The following PLXNC1 variants were observed in gnomAD, a reference collection of about 807,000 sequenced individuals.
The protein encoded by PLXNC1 is plexin C1.
A neutral mutation model predicts 178.2 loss-of-function variants in PLXNC1; 75 were observed. That is an observed-to-expected ratio of 0.42 (90% CI 0.35 to 0.51). The LOEUF (loss-of-function observed/expected upper bound fraction) is 0.51. Ranked by LOEUF, PLXNC1 falls within the 20% of genes least tolerant of loss-of-function variation. The pLI, the probability that PLXNC1 is intolerant of heterozygous loss-of-function variation, is 0.02. For missense variants in PLXNC1, 1,503 were observed against 1,984.4 expected, an observed-to-expected ratio of 0.76 and a Z score of 4.61; for synonymous variants, 790 against 779.9, an observed-to-expected ratio of 1.01 and a Z score of -0.22.
chr12:94,220,004 T>C lies in PLXNC1; in HGVS notation c.1555-12T>C, dbSNP rs746312764. ...AAAATCATCATTTTTTCCCCATATC[T>C]TCCCCGCACAGACTACAGTGACTAT... On this transcript the variant is annotated splice_polypyrimidine_tract_variant and intron_variant, in intron 5 of 30. Coordinates refer to ENST00000258526, the MANE Select transcript of PLXNC1 (RefSeq NM_005761.3). The C allele has an allele frequency of 3.7e-6, 6 of 1,609,656 alleles. No individual in the cohort carries two copies. Among genetic ancestry groups the C allele is most frequent in the Non-Finnish European group, 5.1e-6 (6 of 1,177,206 alleles).
At chr12:94,279,293 C>T (rs1380099250) in intron 21 of PLXNC1, among the ~76,000 whole-genome samples, 179 bp from the exon 22 acceptor site, 1 of 152,130 alleles carries the variant, frequency 6.6e-6, no homozygotes, top group African/African-American at 2.4e-5. Flanking sequence ...TTTTCCCTTC[C>T]ATTATCCCTG....
At chr12:94,297,126 C>T (rs375135904) in intron 24 of PLXNC1, 63 bp from the exon 25 acceptor site, 201 of 1,544,962 alleles carry the variant, frequency 1.3e-4, no homozygotes, top group Non-Finnish European at 1.7e-4. Flanking sequence ...AAGAGAAGGC[C>T]GATTAGCCCA....
chr12:94,291,319 T>C (rs1967298666), intron 23 of PLXNC1, among the ~76,000 whole-genome samples: 1 of 152,224 alleles, frequency 6.6e-6, no homozygotes. Flanking sequence ...CACTGCACCC[T>C]TGACCTCCCA....
chr12:94,228,983 G>A (rs115604445), intron 9 of PLXNC1, among the ~76,000 whole-genome samples: 271 of 152,224 alleles, frequency 1.8e-3, no homozygotes, highest in African/African-American at 5.9e-3. Flanking sequence ...CCATTGTACC[G>A]TTTTCCATAG....
intron 15 of PLXNC1, 119 bp from the exon 16 acceptor site, chr12:94,254,668 T>C (rs1390690343): frequency 1.4e-6 from 1 of 713,646 alleles, no homozygotes; most frequent in Non-Finnish European, 2.5e-6. Context: ...GCTCCTGCTC[T>C]CTGTCCCTAT....
chr12:94,299,581 C>T (rs768910924), intron 27 of PLXNC1, among the ~76,000 whole-genome samples: 17 of 151,942 alleles, frequency 1.1e-4, no homozygotes, highest in Non-Finnish European at 2.2e-4. Flanking sequence ...TTTTTTGAGA[C>T]AGGGTCTCAC....
chr12:94,241,489 A>T (rs1592800669), intron 11 of PLXNC1, among the ~76,000 whole-genome samples: 1 of 150,846 alleles, frequency 6.6e-6, no homozygotes, highest in South Asian at 2.1e-4. Flanking sequence ...CATTAACCAA[A>T]CCCTCTTTAT....
In PLXNC1 at chr12:94,149,558, C is replaced by T. The variant is rs1960865891; in HGVS notation, c.587C>T (p.Pro196Leu). The change falls in exon 1 of 31, where the codon CCC (proline) becomes CTC (leucine). Residue 196 changes from proline (P) to leucine (L), a missense_variant. Physicochemically the swap from Pro to Leu is moderately conservative, Grantham distance 98. Transcript: ENST00000258526. ...PEPETASRCN[P>L]AASDHDTAIA... ...CCGGAGACGGCGAGCCGCTGCAACC[C>T]CGCGGCATCCGACCACGACACGGCC... The T allele has an allele frequency of 6.4e-7, 1 of 1,558,258 alleles. No homozygotes were observed. The highest frequency in any genetic ancestry group is 2.4e-5 in the East Asian group (1 of 42,026).
chr12:94,297,324 A>T lies in PLXNC1; in HGVS notation c.3975A>T (p.Pro1325=). ...TGCTGTCTTCCCTTCAGATTTTACCAGATTCGGAAGCATTCCAAGATGTGC... is the reference window on the plus strand; with the variant it reads ...TGCTGTCTTCCCTTCAGATTTTACCTGATTCGGAAGCATTCCAAGATGTGC... ...YSDDHCHLIL[P]DSEAFQDVQG... Residue 1325 remains proline (P), a synonymous_variant, in exon 26 of 31, where the codon CCA becomes CCT. Transcript: ENST00000258526. The T allele has an allele frequency of 6.2e-7, 1 of 1,613,954 alleles. No individual in the cohort carries two copies. The highest frequency in any genetic ancestry group is 1.1e-5 in the South Asian group (1 of 91,078).
At chr12:94,268,595 T>TTTTTTTTTTTTTTTTTTTTTTTG (rs1965387886) in intron 21 of PLXNC1, among the ~76,000 whole-genome samples, 1 of 134,724 alleles carries the variant, frequency 7.4e-6, no homozygotes, top group Non-Finnish European at 1.6e-5. Flanking sequence ...GACCTTTTTT[T>TTTTTTTTTTTTTTTTTTTTTTTG]TTTTTTTTTT....
At chr12:94,160,997 A>C (rs932824707) in intron 1 of PLXNC1, among the ~76,000 whole-genome samples, 1 of 152,246 alleles carries the variant, frequency 6.6e-6, no homozygotes. Context: ...TTTTGGTGAC[A>C]AAGTCACAGG....
chr12:94,210,778 T>C (rs1963445196), intron 5 of PLXNC1, among the ~76,000 whole-genome samples: 1 of 152,192 alleles, frequency 6.6e-6, no homozygotes, highest in Admixed American at 6.5e-5. Context: ...ATAATAATAA[T>C]AACTTTCATA....
chr12:94,273,433 C>A (rs998312684), intron 21 of PLXNC1, among the ~76,000 whole-genome samples: 1 of 152,082 alleles, frequency 6.6e-6, no homozygotes, highest in Admixed American at 6.5e-5. Flanking sequence ...AGACTGGAAG[C>A]CAAGTGTCTC....
chr12:94,237,266 G>A (rs773767985), intron 9 of PLXNC1, among the ~76,000 whole-genome samples: 50 of 152,130 alleles, frequency 3.3e-4, no homozygotes, highest in African/African-American at 1.1e-3. Flanking sequence ...TCAACTTAAC[G>A]ATGAGTCTGT....
chr12:94,151,773 G>A (rs958907962), intron 1 of PLXNC1, among the ~76,000 whole-genome samples: 1 of 152,120 alleles, frequency 6.6e-6, no homozygotes, highest in East Asian at 1.9e-4. Context: ...TCTTGACTGC[G>A]TCTCTCTACC....
rs562979298 is a variant in PLXNC1 at position 94,232,864 on chromosome 12, G to A, written c.1981-4800G>A. 2.6e-5 allele frequency among the ~76,000 whole-genome samples: 4 copies of A among 152,288 alleles called. No individual in the cohort carries two copies. The East Asian group carries it at 5.8e-4, about 22-fold the overall frequency. On this transcript the variant is annotated intron_variant, in intron 9 of 30. Coordinates refer to ENST00000258526, the MANE Select transcript of PLXNC1 (RefSeq NM_005761.3). ...TTATAGATAAGGAAATTTTAGCTCA[G>A]AGAGAGCAAATGGTAGGTAAGAAAT...
At chr12:94,174,445 T>TG (rs1394071102) in intron 2 of PLXNC1, among the ~76,000 whole-genome samples, 1 of 152,124 alleles carries the variant, frequency 6.6e-6, no homozygotes, top group Non-Finnish European at 1.5e-5. Context: ...TCCAAAGAGC[T>TG]GGGATTACAG....
At chr12:94,165,020 A>G (rs996355157) in intron 1 of PLXNC1, among the ~76,000 whole-genome samples, 3 of 152,234 alleles carry the variant, frequency 2.0e-5, no homozygotes, top group Admixed American at 6.5e-5. Flanking sequence ...ATTACAAGGC[A>G]TTAACCTTGT....
At chr12:94,227,467 C>A in intron 9 of PLXNC1, 1 of 367,188 alleles carries the variant, frequency 2.7e-6, no homozygotes, top group Non-Finnish European at 5.0e-6. Context: ...AATGATGTTG[C>A]TCTGGTCGAA....
Sources: allele counts gnomAD v4.1 joint callset (sites outside exome capture counted in the v4.1 genomes callset), GRCh38; gene constraint gnomAD v4.1.1; transcripts MANE v1.5; gene names NCBI Gene and HGNC (gene_info 2026-07-23, HGNC 2026-07-21).